Variants in ABCG1 observed in about 807,000 individuals in gnomAD.
ABCG1 encodes the protein ATP binding cassette subfamily G member 1.
ABCG1 carries 29 observed loss-of-function variants against 69.2 expected under a neutral mutation model. The observed-to-expected ratio is 0.42, with a 90% CI of 0.31 to 0.57. The LOEUF (loss-of-function observed/expected upper bound fraction) is 0.57, where lower values mean the gene tolerates loss of function less well. Among genes scored for constraint, ABCG1 ranks in the 20% least tolerant of loss-of-function variants. ABCG1 has a pLI of 0.15. For synonymous variants in ABCG1, 370 were observed against 374.8 expected, an observed-to-expected ratio of 0.99 and a Z score of 0.15; for missense variants, 718 against 898.1, an observed-to-expected ratio of 0.80 and a Z score of 2.56.
intron 2 of ABCG1, among the ~76,000 whole-genome samples, chr21:42,229,011 G>A (rs544194811): frequency 9.8e-5 from 15 of 152,296 alleles, no homozygotes; most frequent in Non-Finnish European, 1.8e-4. Flanking sequence ...CTCCTGGTCC[G>A]CCTCTGCGCC....
intron 6 of ABCG1, among the ~76,000 whole-genome samples, chr21:42,283,087 G>T (rs1401319445): frequency 1.3e-5 from 2 of 152,320 alleles, no homozygotes; most frequent in East Asian, 1.9e-4. Context: ...AGGCAGGATG[G>T]GTGGCCAGGA....
upstream of ABCG1, among the ~76,000 whole-genome samples, chr21:42,216,631 C>T (rs180918384): frequency 3.9e-4 from 60 of 152,260 alleles, 1 homozygote; most frequent in East Asian, 9.7e-4. Flanking sequence ...AGGCCAGAGC[C>T]GTGGAGACAG....
At chr21:42,215,517 A>T (rs2067630365), upstream of ABCG1, among the ~76,000 whole-genome samples, 2 of 152,226 alleles carry the variant, frequency 1.3e-5, no homozygotes, top group South Asian at 4.1e-4. Flanking sequence ...GTCAAGGCCA[A>T]CATGGGCTGT....
At chr21:42,293,823 C>G (rs774232579) in intron 13 of ABCG1, among the ~76,000 whole-genome samples, 3 of 150,810 alleles carry the variant, frequency 2.0e-5, no homozygotes, top group Non-Finnish European at 4.4e-5. Context: ...ACACACACCA[C>G]TCACTGCGCA....
chr21:42,208,973 G>A (rs545159663), intron 2 of ABCG1, among the ~76,000 whole-genome samples: 1 of 152,314 alleles, frequency 6.6e-6, no homozygotes, highest in Non-Finnish European at 1.5e-5. Context: ...ATGCAGAGCT[G>A]GGGTTCTGGG....
chr21:42,208,682 G>GTTACA (rs1262192361), intron 2 of ABCG1, among the ~76,000 whole-genome samples: 1 of 152,220 alleles, frequency 6.6e-6, no homozygotes, highest in Non-Finnish European at 1.5e-5. Context: ...AAACCTCAGG[G>GTTACA]AGCCTCCATT....
chr21:42,234,926 C>G (rs887006209), intron 2 of ABCG1, among the ~76,000 whole-genome samples: 2 of 151,936 alleles, frequency 1.3e-5, no homozygotes, highest in African/African-American at 4.8e-5. Context: ...ACCTCCGCGG[C>G]GGAGCGGCGG....
chr21:42,247,494 C>T (rs757365030), intron 2 of ABCG1, among the ~76,000 whole-genome samples: 18 of 152,116 alleles, frequency 1.2e-4, no homozygotes, highest in Non-Finnish European at 1.8e-4. Flanking sequence ...ATTTAGGTAA[C>T]GGGAGAGTAT....
chr21:42,241,165 G>A (rs982671525), intron 2 of ABCG1, among the ~76,000 whole-genome samples: 1 of 152,254 alleles, frequency 6.6e-6, no homozygotes. Context: ...GTGACTGCCT[G>A]TCAGGATTCT....
At chr21:42,238,925 T>C (rs2068013292) in intron 2 of ABCG1, among the ~76,000 whole-genome samples, 1 of 152,256 alleles carries the variant, frequency 6.6e-6, no homozygotes, top group African/African-American at 2.4e-5. Context: ...AAATATTTAA[T>C]GTAAATCCAT....
At chr21:42,241,953 G>A (rs549126663) in intron 2 of ABCG1, among the ~76,000 whole-genome samples, 1 of 138,064 alleles carries the variant, frequency 7.2e-6, no homozygotes, top group Admixed American at 7.7e-5. Flanking sequence ...ACTCCAGCCT[G>A]GACAACAGAG....
intron 2 of ABCG1, among the ~76,000 whole-genome samples, chr21:42,268,381 G>GTGTGTGTGTT (rs1555957911): frequency 1.4e-5 from 2 of 138,636 alleles, no homozygotes; most frequent in African/African-American, 6.2e-5. Flanking sequence ...GTGTGTGTGT[G>GTGTGTGTGTT]TGTGTGTGCG....
chr21:42,226,048 A>G (rs1301107951), intron 2 of ABCG1, 134 bp downstream of exon 2: 7 of 1,040,936 alleles, frequency 6.7e-6, no homozygotes, highest in Non-Finnish European at 9.7e-6. Flanking sequence ...TGCTGTGGTC[A>G]ATTTATTCTA....
At chr21:42,228,680 C>T (rs2067855950) in intron 2 of ABCG1, among the ~76,000 whole-genome samples, 1 of 152,178 alleles carries the variant, frequency 6.6e-6, no homozygotes, top group Non-Finnish European at 1.5e-5. Flanking sequence ...TGCCAGGGTC[C>T]ATGTAGCCAG....
chr21:42,232,405 A>C (rs2067913886), intron 2 of ABCG1, among the ~76,000 whole-genome samples: 1 of 152,210 alleles, frequency 6.6e-6, no homozygotes, highest in African/African-American at 2.4e-5. Flanking sequence ...TAGCGGTGGC[A>C]GCCTCCCTGG....
At chr21:42,221,854 G>A (rs923048903) in intron 1 of ABCG1, among the ~76,000 whole-genome samples, 46 of 152,168 alleles carry the variant, frequency 3.0e-4, no homozygotes, top group African/African-American at 9.9e-4. Context: ...GAGTGAATGC[G>A]GCTCACCACG....
chr21:42,245,942 C>T (rs1405232925), intron 2 of ABCG1, among the ~76,000 whole-genome samples: 1 of 151,244 alleles, frequency 6.6e-6, no homozygotes, highest in Non-Finnish European at 1.5e-5. Context: ...ACCACATGGC[C>T]GGCTTCCCTT....
chr21:42,287,985 TC>T lies in ABCG1; in HGVS notation c.1071del (p.Gly359ValfsTer5). ...TGTGACTCAGACCACAAGAGAGACC[TC>T]GGGGGTGATGCCGAGGTGAACCCTT... ...GMCDSDHKRD[L>X]GGDAEVNPFL... On this transcript the variant is annotated frameshift_variant, in exon 9 of 15. Coordinates refer to ENST00000398449, the MANE Select transcript of ABCG1 (RefSeq NM_016818.3). LOFTEE classifies it high-confidence loss of function. The surrounding 1 kb of genome is among the most constrained non-coding windows in gnomAD (Gnocchi z 6.2). The T allele has an allele frequency of 6.2e-7, 1 of 1,613,592 alleles. No individual in the cohort carries two copies. The highest frequency in any genetic ancestry group is 8.5e-7 in the Non-Finnish European group (1 of 1,179,692).
chr21:42,252,070 C>G (rs999550241), intron 2 of ABCG1, among the ~76,000 whole-genome samples: 18 of 152,236 alleles, frequency 1.2e-4, no homozygotes, highest in African/African-American at 4.3e-4. Flanking sequence ...TTCTGAAGCT[C>G]TCCCCGCAAT....
Sources: allele counts gnomAD v4.1 joint callset (sites outside exome capture counted in the v4.1 genomes callset), GRCh38; gene constraint gnomAD v4.1.1; non-coding constraint Gnocchi (gnomAD v3.1); transcripts MANE v1.5; gene names NCBI Gene and HGNC (gene_info 2026-07-23, HGNC 2026-07-21).